Variants in IQGAP2 observed in about 807,000 individuals in gnomAD.
IQGAP2 encodes IQ motif containing GTPase activating protein 2, also known as ras GTPase-activating-like protein IQGAP2.
A neutral mutation model predicts 201.3 loss-of-function variants in IQGAP2; 173 were observed. The ratio of observed to expected loss-of-function variants is 0.86; its 90% CI spans 0.76 to 0.98. The LOEUF (loss-of-function observed/expected upper bound fraction) is 0.98, where lower values mean the gene tolerates loss of function less well. IQGAP2 is among the 50% of genes least tolerant of loss of function. IQGAP2 has a pLI of 0.00. For missense variants in IQGAP2, 1,687 were observed against 1,864.8 expected, an observed-to-expected ratio of 0.90 and a Z score of 1.76; for synonymous variants, 675 against 673.9, an observed-to-expected ratio of 1.00 and a Z score of -0.03.
chr5:76,496,757 C>CTTTCTTTCTTTCTTTTCT (rs1561416486), intron 2 of IQGAP2, among the ~76,000 whole-genome samples: 3 of 79,268 alleles, frequency 3.8e-5, no homozygotes, highest in African/African-American at 2.1e-4. Flanking sequence ...TTCTTTCTTT[C>CTTTCTTTCTTTCTTTTCT]TTTCTTTCTT....
chr5:76,456,021 T>C lies in IQGAP2; in HGVS notation c.47-5549T>C, dbSNP rs541604232. On this transcript the variant is annotated intron_variant, in intron 1 of 35. Coordinates refer to ENST00000274364, the MANE Select transcript of IQGAP2 (RefSeq NM_006633.5). Reference sequence around the variant, plus strand: ...TTCCATAAAGTTCCCCTGCCCTTAGTATCTTGTGTGACTATTATGAGAGCA... The same window carrying C: ...TTCCATAAAGTTCCCCTGCCCTTAGCATCTTGTGTGACTATTATGAGAGCA... 2.0e-5 allele frequency among the ~76,000 whole-genome samples: 3 copies of C among 152,334 alleles called. No individual in the cohort carries two copies. In the East Asian group the frequency reaches 5.8e-4, roughly 29 times the overall value.
intron 2 of IQGAP2, among the ~76,000 whole-genome samples, chr5:76,528,120 A>G (rs2150203221): frequency 1.3e-5 from 2 of 152,154 alleles, no homozygotes; most frequent in East Asian, 3.9e-4. Context: ...CGCCATTAAG[A>G]TGGTTTATTT....
intron 1 of IQGAP2, among the ~76,000 whole-genome samples, chr5:76,410,269 C>T (rs1284424752): frequency 6.6e-6 from 1 of 152,134 alleles, no homozygotes; most frequent in East Asian, 1.9e-4. Context: ...AGAGGAAAAC[C>T]TGAAAGGCGT....
chr5:76,618,850 A>T (rs777551333), intron 13 of IQGAP2, among the ~76,000 whole-genome samples: 1 of 152,234 alleles, frequency 6.6e-6, no homozygotes, highest in Non-Finnish European at 1.5e-5. Flanking sequence ...ACAAAAACTA[A>T]ATGATCAGTC....
At chr5:76,447,825 C>A (rs1385229383) in intron 1 of IQGAP2, among the ~76,000 whole-genome samples, 1 of 152,166 alleles carries the variant, frequency 6.6e-6, no homozygotes, top group Non-Finnish European at 1.5e-5. Context: ...ATTTTAAATA[C>A]TGAAACACAG....
intron 13 of IQGAP2, chr5:76,618,370 C>T (rs2150356989): frequency 6.2e-7 from 1 of 1,614,212 alleles, no homozygotes; most frequent in Non-Finnish European, 8.5e-7. Context: ...AGGGTCACAG[C>T]ATTGGCCGGG....
intron 3 of IQGAP2, among the ~76,000 whole-genome samples, chr5:76,567,013 A>G (rs956754449): frequency 6.6e-5 from 10 of 152,158 alleles, no homozygotes; most frequent in Non-Finnish European, 1.5e-4. Flanking sequence ...GACAAGGTTC[A>G]AAGATGAATA....
chr5:76,516,522 T>C lies in IQGAP2; in HGVS notation c.147-45874T>C, dbSNP rs556606339. ...TGGATTATAGTTGAATTAAAAGTTA[T>C]TTCTTAATTCTCCAGGATAATAGAA... On this transcript the variant is annotated intron_variant, in intron 2 of 35. Transcript: ENST00000274364. 2.6e-5 allele frequency among the ~76,000 whole-genome samples: 4 copies of C among 152,370 alleles called. No individual in the cohort carries two copies. The South Asian group carries it at 8.3e-4, about 32-fold the overall frequency.
At chr5:76,449,865 A>G (rs1753623007) in intron 1 of IQGAP2, among the ~76,000 whole-genome samples, 1 of 152,200 alleles carries the variant, frequency 6.6e-6, no homozygotes, top group Admixed American at 6.5e-5. Context: ...CCCAGCCAAG[A>G]ATTAAACGCC....
At chr5:76,623,224 C>T (rs1202311103) in intron 13 of IQGAP2, 28 of 1,614,172 alleles carry the variant, frequency 1.7e-5, no homozygotes, top group Non-Finnish European at 2.4e-5. Context: ...AAGATGAGGG[C>T]TTTCATTTTG....
chr5:76,539,061 G>A (rs1444449939), intron 2 of IQGAP2, among the ~76,000 whole-genome samples: 1 of 152,116 alleles, frequency 6.6e-6, no homozygotes. Context: ...TCCCCCTTTG[G>A]TATTGCTGGG....
At chr5:76,461,756 C>G in intron 2 of IQGAP2, 87 bp downstream of exon 2, 1 of 877,280 alleles carries the variant, frequency 1.1e-6, no homozygotes, top group South Asian at 1.5e-5. Flanking sequence ...CCAGAGGGTT[C>G]TGAAATGGGC....
At chr5:76,535,183 T>G (rs986841923) in intron 2 of IQGAP2, among the ~76,000 whole-genome samples, 2 of 152,084 alleles carry the variant, frequency 1.3e-5, no homozygotes, top group African/African-American at 4.8e-5. Flanking sequence ...GGTGACAAGA[T>G]CAGGCTTGTA....
intron 2 of IQGAP2, among the ~76,000 whole-genome samples, chr5:76,533,027 A>G (rs1561443031): frequency 1.3e-5 from 2 of 152,194 alleles, no homozygotes; most frequent in African/African-American, 4.8e-5. Context: ...TCTTTCCCCA[A>G]TGGGAAGAGG....
intron 2 of IQGAP2, among the ~76,000 whole-genome samples, chr5:76,506,425 T>C (rs1377841597): frequency 6.6e-6 from 1 of 152,224 alleles, no homozygotes; most frequent in Non-Finnish European, 1.5e-5. Flanking sequence ...CATGAACTTA[T>C]CTCAAAGTTT....
chr5:76,407,041 C>T (rs765226019), intron 1 of IQGAP2, among the ~76,000 whole-genome samples: 16 of 152,008 alleles, frequency 1.1e-4, no homozygotes, highest in Non-Finnish European at 2.1e-4. Context: ...TGCAGTGGTG[C>T]AATCATGGCT....
chr5:76,597,426 C>A lies in IQGAP2; in HGVS notation c.908-13C>A. The A allele has an allele frequency of 1.9e-6, 3 of 1,613,098 alleles. No homozygotes were observed. Among genetic ancestry groups the A allele is most frequent in the East Asian group, 2.2e-5 (1 of 44,872 alleles). ...AGCAACCATTCTGACAAAACATGAA[C>A]CCCCATCCTCAGGGCAGGCTGCAGT... On this transcript the variant is annotated splice_polypyrimidine_tract_variant and intron_variant, in intron 9 of 35. Coordinates refer to ENST00000274364, the MANE Select transcript of IQGAP2 (RefSeq NM_006633.5).
At chr5:76,483,230 A>G (rs547950735) in intron 2 of IQGAP2, among the ~76,000 whole-genome samples, 1 of 152,218 alleles carries the variant, frequency 6.6e-6, no homozygotes, top group Non-Finnish European at 1.5e-5. Context: ...AGGGAAGAAT[A>G]AGTACATTGG....
chr5:76,633,526 T>C (rs1285697729), intron 15 of IQGAP2, among the ~76,000 whole-genome samples: 2 of 152,236 alleles, frequency 1.3e-5, no homozygotes, highest in African/African-American at 2.4e-5. Context: ...AGATATACGA[T>C]TGACTTTTTA....
Sources: allele counts gnomAD v4.1 joint callset (sites outside exome capture counted in the v4.1 genomes callset), GRCh38; gene constraint gnomAD v4.1.1; transcripts MANE v1.5; gene names NCBI Gene and HGNC (gene_info 2026-07-23, HGNC 2026-07-21).